ZNF600: variants seen among roughly 807,000 people sequenced by gnomAD.
The protein encoded by ZNF600 is zinc finger protein 600.
A neutral mutation model predicts 7.3 loss-of-function variants in ZNF600; 4 were observed. The ratio of observed to expected loss-of-function variants is 0.55; its 90% CI spans 0.27 to 1.25. The LOEUF is 1.25. ZNF600 is among the 50% of genes most tolerant of loss of function. ZNF600 has a pLI of 0.12. For synonymous variants in ZNF600, 290 were observed against 308.9 expected, an observed-to-expected ratio of 0.94 and a Z score of 0.64; for missense variants, 911 against 922.1, an observed-to-expected ratio of 0.99 and a Z score of 0.16.
At chr19:52,787,172 C>T (rs1203697805), upstream of ZNF600, among the ~76,000 whole-genome samples, 2 of 152,200 alleles carry the variant, frequency 1.3e-5, no homozygotes, top group Non-Finnish European at 2.9e-5. Context: ...TTCCCTAGGG[C>T]CTCCGCCTGG....
At chr19:52,829,055 G>T in the ZNF600 span, among the ~76,000 whole-genome samples, 1 of 152,002 alleles carries the variant, frequency 6.6e-6, no homozygotes, top group African/African-American at 2.4e-5. Context: ...TAGTAGAGAT[G>T]GGGTTTCACC....
At chr19:52,793,583 A>G in the ZNF600 span, among the ~76,000 whole-genome samples, 4 of 152,176 alleles carry the variant, frequency 2.6e-5, no homozygotes, top group African/African-American at 7.2e-5. Context: ...ACAGAGATCC[A>G]TAGGGTTAAG....
intron 2 of ZNF600, 120 bp downstream of exon 4, chr19:52,778,706 C>G (rs1292671849): frequency 9.6e-6 from 13 of 1,360,808 alleles, no homozygotes; most frequent in Admixed American, 4.5e-5. Flanking sequence ...GCAGGCATGG[C>G]TGAGTGTGAG....
At position 52,766,929 on chromosome 19, in the gene ZNF600, C is replaced by T. The variant is rs1376578303; in HGVS notation, c.1034G>A (p.Cys345Tyr). 4 of 1,614,144 alleles carry T rather than the reference C, an allele frequency of 2.5e-6. No individual in the cohort carries two copies. The South Asian group carries it at 3.3e-5, about 13-fold the overall frequency. Reference sequence around the variant, plus strand: ...ATTAAAAGCTTTGTCACATTCATTACACTTGTAAGGTTTTTCTCCAGTATG... The same window carrying T: ...ATTAAAAGCTTTGTCACATTCATTATACTTGTAAGGTTTTTCTCCAGTATG... Residue 345 changes from cysteine to tyrosine, a missense_variant, in exon 4 of 4, where the codon TGT becomes TAT. Physicochemically the swap from Cys to Tyr is radical, Grantham distance 194 (BLOSUM62 -2). Coordinates refer to ENST00000648973, the Ensembl canonical transcript of ZNF600.
the ZNF600 span, among the ~76,000 whole-genome samples, chr19:52,804,241 C>G: frequency 6.6e-6 from 1 of 152,204 alleles, no homozygotes; most frequent in African/African-American, 2.4e-5. Context: ...TTCCCACTTT[C>G]CAAATTCATG....
At chr19:52,812,762 T>TAA in the ZNF600 span, among the ~76,000 whole-genome samples, 505 of 75,382 alleles carry the variant, frequency 6.7e-3, 8 homozygotes, top group African/African-American at 0.018. Context: ...GAATGATCAA[T>TAA]AAAAAAAAAA....
chr19:52,790,796 C>T (rs2062789238), upstream of ZNF600, among the ~76,000 whole-genome samples: 1 of 151,054 alleles, frequency 6.6e-6, no homozygotes, highest in Non-Finnish European at 1.5e-5. Flanking sequence ...AAGTGACTCT[C>T]CTGCCTCAGC....
chr19:52,764,170 A>G (rs1167281217), downstream of ZNF600: 20 of 151,816 alleles, frequency 1.3e-4, no homozygotes. Context: ...TCTATTGAAC[A>G]ATGAGAACAA....
chr19:52,827,053 A>G, the ZNF600 span, among the ~76,000 whole-genome samples: 1 of 152,006 alleles, frequency 6.6e-6, no homozygotes, highest in Non-Finnish European at 1.5e-5. Context: ...CTGCCTGGAC[A>G]AAATAGCAAG....
At chr19:52,821,596 G>A in the ZNF600 span, 3 of 152,158 alleles carry the variant, frequency 2.0e-5, no homozygotes, top group Non-Finnish European at 2.9e-5. Context: ...CGCCCGCCGC[G>A]GCGTCACCGT....
the ZNF600 span, among the ~76,000 whole-genome samples, chr19:52,833,561 G>A: frequency 6.6e-6 from 1 of 152,178 alleles, no homozygotes; most frequent in Admixed American, 6.5e-5. Context: ...GAAGAGCCAT[G>A]CCTGGCTCCT....
At chr19:52,793,330 C>A in the ZNF600 span, among the ~76,000 whole-genome samples, 1 of 152,174 alleles carries the variant, frequency 6.6e-6, no homozygotes, top group Non-Finnish European at 1.5e-5. Flanking sequence ...AATACACTTT[C>A]TAAATTAACT....
the ZNF600 span, among the ~76,000 whole-genome samples, chr19:52,833,519 T>C: frequency 4.6e-5 from 7 of 152,232 alleles, no homozygotes; most frequent in East Asian, 1.4e-3. Flanking sequence ...AAGAGACAGA[T>C]TAATCCAAAG....
chr19:52,827,453 C>T, the ZNF600 span, among the ~76,000 whole-genome samples: 4 of 152,214 alleles, frequency 2.6e-5, no homozygotes, highest in Non-Finnish European at 5.9e-5. Context: ...ATCCCAGCTG[C>T]CCCGCAGCAC....
At chr19:52,789,043 C>G (rs1353857847), upstream of ZNF600, among the ~76,000 whole-genome samples, 2 of 152,192 alleles carry the variant, frequency 1.3e-5, no homozygotes, top group African/African-American at 4.8e-5. Context: ...TCACACAGAA[C>G]AGGCAACATG....
chr19:52,815,208 A>G, the ZNF600 span, among the ~76,000 whole-genome samples: 2 of 145,146 alleles, frequency 1.4e-5, no homozygotes, highest in Admixed American at 1.4e-4. Flanking sequence ...GGGAGGAAGG[A>G]GAGGAGCAGA....
At chr19:52,776,516 A>T (rs1310277394) in intron 2 of ZNF600, among the ~76,000 whole-genome samples, 2 of 151,906 alleles carry the variant, frequency 1.3e-5, no homozygotes, top group Admixed American at 6.6e-5. Flanking sequence ...GGTTCAAGCA[A>T]TTCTCTTGCC....
At chr19:52,810,839 G>GTCCTC in the ZNF600 span, 109 of 148,262 alleles carry the variant, frequency 7.4e-4, 4 homozygotes, top group African/African-American at 6.2e-3. Context: ...TAAAAAAAGA[G>GTCCTC]TCCCTCTCCC....
upstream of ZNF600, among the ~76,000 whole-genome samples, chr19:52,788,380 T>G (rs2062782371): frequency 6.6e-6 from 1 of 152,128 alleles, no homozygotes; most frequent in South Asian, 2.1e-4. Context: ...CTCCTCTTGG[T>G]GTCTTCCTCA....
Sources: gnomAD v4.1 joint callset for allele counts (sites outside exome capture counted in the v4.1 genomes callset) on GRCh38, gnomAD v4.1.1 for gene constraint, MANE v1.5 for transcripts, NCBI Gene and HGNC (gene_info 2026-07-23, HGNC 2026-07-21) for gene names.